Variants in TDRD7 observed in about 807,000 individuals in gnomAD.
The protein encoded by TDRD7 is tudor domain containing 7, also known as tudor domain-containing protein 7.
Under a neutral mutation model 109.8 loss-of-function variants are expected in TDRD7, and 47 were observed. That is an observed-to-expected ratio of 0.43 (90% confidence interval 0.34 to 0.55). The LOEUF is 0.55. TDRD7 is among the 20% of genes least tolerant of loss of function. TDRD7 has a pLI of 0.03. For synonymous variants in TDRD7, 424 were observed against 457.3 expected, an observed-to-expected ratio of 0.93 and a Z score of 0.93; for missense variants, 1,164 against 1,319.2, an observed-to-expected ratio of 0.88 and a Z score of 1.82.
chr9:97,441,813 T>C lies in TDRD7; in HGVS notation c.793T>C (p.Tyr265His). 6.2e-7 allele frequency: 1 copy of C among 1,613,838 alleles called. No homozygotes were observed. Among genetic ancestry groups the C allele is most frequent in the Non-Finnish European group, 8.5e-7 (1 of 1,179,826 alleles). ...GCTTCCACATTTTTACAAAGAGTTA[T>C]ATAAAGAAGACCTTAATCAAGGAAT... is the stretch of plus-strand genomic sequence containing the variant. ...SKLPHFYKEL[Y>H]KEDLNQGILQ... Residue 265 changes from tyrosine (Y) to histidine (H), a missense_variant, in exon 6 of 17, where the codon TAT becomes CAT. Physicochemically the swap from Tyr to His is moderately conservative, Grantham distance 83. Transcript: ENST00000355295.
intron 15 of TDRD7, among the ~76,000 whole-genome samples, chr9:97,485,811 C>G (rs1829202672): frequency 6.6e-6 from 1 of 152,098 alleles, no homozygotes; most frequent in Non-Finnish European, 1.5e-5. Context: ...ATGAAGAGCC[C>G]AGGTGGGACT....
In TDRD7 at chr9:97,495,570, T is replaced by C; in HGVS notation, c.3077-93T>C. 2.4e-6 allele frequency: 3 copies of C among 1,265,988 alleles called. No individual in the cohort carries two copies. The South Asian group carries it at 3.6e-5, about 15-fold the overall frequency. 78.4% of individuals were successfully genotyped at this position (1,265,988 alleles called of 1,614,324 possible). A position where few individuals can be genotyped will look rare whatever the true frequency, so the allele number is the denominator to read the frequency against. ...TCTAACCTGGGATGCTTAAGTTACT[T>C]TGGAATTGACTAAATAATTTTCCAT... On this transcript the variant is annotated intron_variant, in intron 16 of 16. Coordinates refer to ENST00000355295, the MANE Select transcript of TDRD7 (RefSeq NM_014290.3).
intron 1 of TDRD7, among the ~76,000 whole-genome samples, chr9:97,415,655 G>A (rs1827799092): frequency 1.3e-5 from 2 of 152,162 alleles, no homozygotes; most frequent in South Asian, 2.1e-4. Flanking sequence ...AGGAAAGCAC[G>A]AAAGCATAAA....
chr9:97,490,250 C>T (rs1829279463), intron 16 of TDRD7, among the ~76,000 whole-genome samples: 1 of 152,118 alleles, frequency 6.6e-6, no homozygotes. Flanking sequence ...GGCAGGTGTG[C>T]TGGCAACAAA....
chr9:97,487,085 T>C, intron 15 of TDRD7, 87 bp from the exon 16 acceptor site: 1 of 1,402,142 alleles, frequency 7.1e-7, no homozygotes, highest in Admixed American at 1.8e-5. Context: ...CATTAATTTT[T>C]CTTTTTATCA....
chr9:97,418,502 G>A (rs533177794), intron 1 of TDRD7, among the ~76,000 whole-genome samples: 1 of 152,128 alleles, frequency 6.6e-6, no homozygotes, highest in East Asian at 1.9e-4. Context: ...GGTCATGGGT[G>A]GGGACAAGAG....
intron 2 of TDRD7, 44 bp from the exon 3 acceptor site, chr9:97,430,889 A>G (rs1405894197): frequency 5.6e-6 from 9 of 1,613,098 alleles, no homozygotes; most frequent in Non-Finnish European, 7.6e-6. Flanking sequence ...GGCAACACGG[A>G]ATCTGAGAAA....
chr9:97,485,760 A>G lies in TDRD7; in HGVS notation c.2916-1412A>G, dbSNP rs12684317. ...GTATTATTTCTGTAAGTGAATTTAC[A>G]TTAAATATTAAACATGAGATGATTG... On this transcript the variant is annotated intron_variant, in intron 15 of 16. Transcript: ENST00000355295. Among the ~76,000 whole-genome samples the G allele has an allele frequency of 7.9e-5, 12 of 152,346 alleles. No homozygotes were observed. In the East Asian group the frequency reaches 2.3e-3, roughly 29 times the overall value.
At chr9:97,487,080 A>T (rs150488448) in intron 15 of TDRD7, 92 bp from the exon 16 acceptor site, 1 of 1,366,390 alleles carries the variant, frequency 7.3e-7, no homozygotes, top group Admixed American at 1.9e-5. Flanking sequence ...ATTTGCATTA[A>T]TTTTTCTTTT....
At chr9:97,427,387 A>G (rs1029146956) in intron 1 of TDRD7, among the ~76,000 whole-genome samples, 1 of 151,912 alleles carries the variant, frequency 6.6e-6, no homozygotes, top group African/African-American at 2.4e-5. Flanking sequence ...AGCCTTTTAT[A>G]GGTTCGTCTT....
At chr9:97,486,680 A>G (rs541201756) in intron 15 of TDRD7, among the ~76,000 whole-genome samples, 1 of 152,188 alleles carries the variant, frequency 6.6e-6, no homozygotes, top group East Asian at 1.9e-4. Flanking sequence ...CTCTGCTCCA[A>G]AACACTATGC....
chr9:97,486,797 T>C (rs1587895687), intron 15 of TDRD7, among the ~76,000 whole-genome samples: 1 of 152,190 alleles, frequency 6.6e-6, no homozygotes, highest in South Asian at 2.1e-4. Flanking sequence ...TCCAAACATG[T>C]GGCCATCTTC....
At chr9:97,487,373 A>G in intron 16 of TDRD7, 41 bp downstream of exon 16, 2 of 1,612,986 alleles carry the variant, frequency 1.2e-6, no homozygotes, top group Admixed American at 1.7e-5. Context: ...CAACAATGCA[A>G]TATTGTCATT....
intron 6 of TDRD7, among the ~76,000 whole-genome samples, chr9:97,458,229 A>G (rs578194121): frequency 1.3e-5 from 2 of 152,288 alleles, no homozygotes; most frequent in South Asian, 4.1e-4. Context: ...GTTTCTGAGA[A>G]TGTATTCCCA....
At chr9:97,447,429 A>C (rs1828421582) in intron 6 of TDRD7, among the ~76,000 whole-genome samples, 1 of 152,220 alleles carries the variant, frequency 6.6e-6, no homozygotes, top group South Asian at 2.1e-4. Context: ...ATAGGTGTTT[A>C]GTAAAAGACA....
intron 1 of TDRD7, among the ~76,000 whole-genome samples, chr9:97,414,100 G>T (rs1256005723): frequency 1.3e-5 from 2 of 152,180 alleles, no homozygotes; most frequent in East Asian, 3.8e-4. Context: ...TTTCACAGAA[G>T]TTCCTTGGTG....
intron 6 of TDRD7, among the ~76,000 whole-genome samples, chr9:97,446,886 A>G (rs1218061572): frequency 6.6e-6 from 1 of 152,226 alleles, no homozygotes; most frequent in African/African-American, 2.4e-5. Context: ...ACAGCAATCG[A>G]TATCCTCAGG....
At chr9:97,445,972 A>G (rs754571614) in intron 6 of TDRD7, among the ~76,000 whole-genome samples, 14 of 152,156 alleles carry the variant, frequency 9.2e-5, no homozygotes, top group Non-Finnish European at 1.5e-4. Context: ...CAAAAAATAA[A>G]TTTAAAAAAA....
intron 15 of TDRD7, among the ~76,000 whole-genome samples, chr9:97,486,907 C>G (rs1829220676): frequency 6.6e-6 from 1 of 152,186 alleles, no homozygotes; most frequent in Non-Finnish European, 1.5e-5. Context: ...GTTTATATGT[C>G]TCTTTCCTTC....
Sources: gnomAD v4.1 joint callset for allele counts (sites outside exome capture counted in the v4.1 genomes callset) on GRCh38, gnomAD v4.1.1 for gene constraint, MANE v1.5 for transcripts, NCBI Gene and HGNC (gene_info 2026-07-23, HGNC 2026-07-21) for gene names.